Variants in LEPR observed in about 807,000 individuals in gnomAD.
LEPR encodes the protein leptin receptor.
In LEPR, 56 loss-of-function variants were observed where a neutral mutation model predicts 114.7. That is an observed-to-expected ratio of 0.49 (90% confidence interval 0.39 to 0.61). LEPR has a LOEUF of 0.61. Ranked by LOEUF, LEPR falls within the 20% of genes least tolerant of loss-of-function variation. The probability of loss-of-function intolerance (pLI) is 0.00; values close to 1 mark genes in which losing one functional copy is unlikely to be tolerated. For missense variants in LEPR, 1,202 were observed against 1,352.9 expected (o/e 0.89, Z 1.75); for synonymous variants, 443 against 461.4 (o/e 0.96, Z 0.51).
chr1:65,583,295 T>C (rs534237190), intron 5 of LEPR, among the ~76,000 whole-genome samples: 19 of 152,270 alleles, frequency 1.2e-4, no homozygotes, highest in African/African-American at 4.6e-4. Context: ...AAACTTACAG[T>C]GGGGCCACTT....
intron 2 of LEPR, among the ~76,000 whole-genome samples, chr1:65,443,010 G>C (rs960762134): frequency 6.6e-6 from 1 of 152,170 alleles, no homozygotes; most frequent in Non-Finnish European, 1.5e-5. Flanking sequence ...AAAATTAATA[G>C]CAACAGTCTG....
chr1:65,466,488 T>G (rs867314664), intron 2 of LEPR, among the ~76,000 whole-genome samples: 1 of 152,308 alleles, frequency 6.6e-6, no homozygotes, highest in Middle Eastern at 3.4e-3. Context: ...TTGGTGAATC[T>G]GACAATTAAT....
chr1:65,457,469 G>A (rs374925500), intron 2 of LEPR, among the ~76,000 whole-genome samples: 3 of 152,080 alleles, frequency 2.0e-5, no homozygotes, highest in African/African-American at 7.2e-5. Flanking sequence ...CCTCAGCCAC[G>A]TTCACTCTAC....
chr1:65,446,960 T>C (rs1220227558), intron 2 of LEPR, among the ~76,000 whole-genome samples: 1 of 152,074 alleles, frequency 6.6e-6, no homozygotes, highest in African/African-American at 2.4e-5. Context: ...GCCTCCTGAG[T>C]AGCTGGGACT....
At chr1:65,518,873 T>TTTTCTTTCTTTCTTTC (rs55672943) in intron 2 of LEPR, among the ~76,000 whole-genome samples, 3,192 of 117,170 alleles carry the variant, frequency 0.027, 73 homozygotes, top group East Asian at 0.076. Flanking sequence ...CTTTCTTTCT[T>TTTTCTTTCTTTCTTTC]TTTCTTTCTT....
chr1:65,550,648 G>A lies in LEPR; in HGVS notation c.-20-14898G>A, dbSNP rs140785226. 5.3e-4 allele frequency among the ~76,000 whole-genome samples: 81 copies of A among 152,276 alleles called. 1 individual carries two copies. In the East Asian group the frequency reaches 0.014, roughly 26 times the overall value. On this transcript the variant is annotated intron_variant, in intron 2 of 19. Coordinates refer to ENST00000349533, the MANE Select transcript of LEPR (RefSeq NM_002303.6). The stretch of plus-strand genomic sequence containing the variant: ...GTGCGGGCTATAATTCTCCTGGTGC[G>A]CCCTTTCCTAAGCCTGTCGGAAAAG...
At chr1:65,582,270 A>G (rs1421395079) in intron 5 of LEPR, among the ~76,000 whole-genome samples, 1 of 152,238 alleles carries the variant, frequency 6.6e-6, no homozygotes, top group African/African-American at 2.4e-5. Context: ...GGAATGGGAA[A>G]GGAGTATCTG....
At chr1:65,594,576 A>C (rs917456263) in intron 6 of LEPR, among the ~76,000 whole-genome samples, 10 of 152,082 alleles carry the variant, frequency 6.6e-5, no homozygotes, top group African/African-American at 2.4e-4. Context: ...AGGGAAGATT[A>C]GGTGTGTGTA....
intron 17 of LEPR, 138 bp downstream of exon 17, chr1:65,620,161 G>A: frequency 4.4e-6 from 3 of 684,412 alleles, no homozygotes; most frequent in Non-Finnish European, 5.0e-6. Flanking sequence ...TTCATGGTGA[G>A]GTTCCAAAGG....
chr1:65,519,565 A>G (rs1315363298), intron 2 of LEPR, among the ~76,000 whole-genome samples: 2 of 152,130 alleles, frequency 1.3e-5, no homozygotes, highest in African/African-American at 4.8e-5. Context: ...CTTCTGAAGA[A>G]GCAGAGTTGT....
chr1:65,620,054 A>T, intron 17 of LEPR, 31 bp downstream of exon 17: 2 of 1,519,764 alleles, frequency 1.3e-6, no homozygotes, highest in Non-Finnish European at 1.8e-6. Flanking sequence ...TTCCTTTTAC[A>T]CCAATGTGTG....
At chr1:65,602,990 A>G (rs2100939042) in intron 10 of LEPR, among the ~76,000 whole-genome samples, 1 of 152,248 alleles carries the variant, frequency 6.6e-6, no homozygotes, top group African/African-American at 2.4e-5. Flanking sequence ...ATGGAAAACT[A>G]TTATGTTAAG....
At chr1:65,545,260 T>G (rs1277533375) in intron 2 of LEPR, among the ~76,000 whole-genome samples, 1 of 150,934 alleles carries the variant, frequency 6.6e-6, no homozygotes, top group Admixed American at 6.6e-5. Flanking sequence ...AGTGCCGCAA[T>G]AAACATACGT....
At chr1:65,628,068 C>G (rs1447342290) in intron 19 of LEPR, among the ~76,000 whole-genome samples, 1 of 151,654 alleles carries the variant, frequency 6.6e-6, no homozygotes, top group Non-Finnish European at 1.5e-5. Flanking sequence ...TTTAAAAATC[C>G]AATATTTTGA....
chr1:65,556,728 A>T lies in LEPR; in HGVS notation c.-20-8818A>T, dbSNP rs1382300517. On this transcript the variant is annotated intron_variant, in intron 2 of 19. Coordinates refer to ENST00000349533, the MANE Select transcript of LEPR (RefSeq NM_002303.6). ...CATGGGGGAGGTGCTAAAATTTCAG[A>T]TGGGATGGCCAGGGCAGGCTCCTTT... Among the ~76,000 whole-genome samples, 3 of 152,114 alleles carry T rather than the reference A, an allele frequency of 2.0e-5. No homozygotes were observed. The East Asian group carries it at 5.8e-4, about 29-fold the overall frequency.
chr1:65,624,432 C>T (rs1221865443), intron 19 of LEPR, among the ~76,000 whole-genome samples: 1 of 152,128 alleles, frequency 6.6e-6, no homozygotes, highest in Non-Finnish European at 1.5e-5. Context: ...GTTTGTCTGG[C>T]TTTGGAGCCT....
chr1:65,553,139 GC>G (rs1276540212), intron 2 of LEPR, among the ~76,000 whole-genome samples: 1 of 152,162 alleles, frequency 6.6e-6, no homozygotes, highest in Non-Finnish European at 1.5e-5. Flanking sequence ...CTCTCTGGCT[GC>G]CCTTGACGTT....
chr1:65,528,861 A>G (rs1458506367), intron 2 of LEPR, among the ~76,000 whole-genome samples: 1 of 151,988 alleles, frequency 6.6e-6, no homozygotes, highest in African/African-American at 2.4e-5. Flanking sequence ...TTGGAGTGCA[A>G]TGGCTCGATC....
chr1:65,532,825 G>C (rs1650496963), intron 2 of LEPR, among the ~76,000 whole-genome samples: 1 of 152,130 alleles, frequency 6.6e-6, no homozygotes, highest in African/African-American at 2.4e-5. Flanking sequence ...GATGGAGGAA[G>C]CTGGTGAAAG....
Sources: allele counts gnomAD v4.1 joint callset (sites outside exome capture counted in the v4.1 genomes callset), GRCh38; gene constraint gnomAD v4.1.1; transcripts MANE v1.5; gene names NCBI Gene and HGNC (gene_info 2026-07-23, HGNC 2026-07-21).